Variants in ADAMTS6 observed in about 807,000 individuals in gnomAD.
ADAMTS6 encodes the protein A disintegrin and metalloproteinase with thrombospondin motifs 6.
ADAMTS6 carries 23 observed loss-of-function variants against 144.3 expected under a neutral mutation model. That is an observed-to-expected ratio of 0.16 (90% CI 0.11 to 0.23). ADAMTS6 has a LOEUF of 0.23. Among genes scored for constraint, ADAMTS6 ranks in the 10% least tolerant of loss-of-function variants. The probability of loss-of-function intolerance (pLI) is 1.00; values close to 1 mark genes in which losing one functional copy is unlikely to be tolerated. For missense variants in ADAMTS6, 999 were observed against 1,379.6 expected, an observed-to-expected ratio of 0.72 and a Z score of 4.37; for synonymous variants, 444 against 457.5, an observed-to-expected ratio of 0.97 and a Z score of 0.38.
At chr5:65,291,540 C>T (rs1742305237) in intron 10 of ADAMTS6, 70 bp from the exon 11 acceptor site, 5 of 1,447,254 alleles carry the variant, frequency 3.5e-6, no homozygotes, top group Admixed American at 2.5e-5. Context: ...TATGAAACCA[C>T]GTGTTGAGCT....
intron 22 of ADAMTS6, among the ~76,000 whole-genome samples, chr5:65,181,064 G>C (rs1176074013): frequency 1.3e-5 from 2 of 152,152 alleles, no homozygotes; most frequent in African/African-American, 2.4e-5. Flanking sequence ...AACAAACTTA[G>C]AGTGACTGGT....
intron 7 of ADAMTS6, among the ~76,000 whole-genome samples, chr5:65,436,776 T>C (rs1289670856): frequency 6.6e-6 from 1 of 151,754 alleles, no homozygotes. Flanking sequence ...GAGAATTGCT[T>C]GAACCCAGGA....
intron 7 of ADAMTS6, among the ~76,000 whole-genome samples, chr5:65,399,413 C>T (rs557133560): frequency 6.6e-6 from 1 of 152,228 alleles, no homozygotes; most frequent in Admixed American, 6.5e-5. Context: ...GAATTTGTTG[C>T]TCTTGTTCTT....
At chr5:65,260,981 A>G (rs1034351254) in intron 13 of ADAMTS6, among the ~76,000 whole-genome samples, 1 of 152,068 alleles carries the variant, frequency 6.6e-6, no homozygotes, top group African/African-American at 2.4e-5. Context: ...TTTTCTAATT[A>G]TCATAGTAAA....
chr5:65,452,266 G>A (rs768927146), intron 5 of ADAMTS6, 50 bp from the exon 6 acceptor site: 1 of 1,545,434 alleles, frequency 6.5e-7, no homozygotes. Context: ...AAAATTATAG[G>A]GTGATAGTTT....
chr5:65,380,001 T>C (rs1428376042), intron 7 of ADAMTS6, among the ~76,000 whole-genome samples: 1 of 152,166 alleles, frequency 6.6e-6, no homozygotes, highest in Non-Finnish European at 1.5e-5. Flanking sequence ...TACTGACTCA[T>C]GACGACTGAT....
At chr5:65,236,365 G>A (rs1363570819) in intron 15 of ADAMTS6, among the ~76,000 whole-genome samples, 1 of 152,040 alleles carries the variant, frequency 6.6e-6, no homozygotes, top group East Asian at 1.9e-4. Context: ...ATAGCTCACT[G>A]TAGCCTCCAC....
chr5:65,176,943 G>A (rs1754016217), intron 22 of ADAMTS6, among the ~76,000 whole-genome samples: 1 of 152,138 alleles, frequency 6.6e-6, no homozygotes, highest in Non-Finnish European at 1.5e-5. Context: ...TAAAACAAAA[G>A]GTCAATTTCT....
At chr5:65,469,959 A>G (rs1760310205) in intron 3 of ADAMTS6, among the ~76,000 whole-genome samples, 1 of 152,224 alleles carries the variant, frequency 6.6e-6, no homozygotes, top group African/African-American at 2.4e-5. Flanking sequence ...GAAAGCATGG[A>G]AATTTGCTTT....
intron 22 of ADAMTS6, among the ~76,000 whole-genome samples, chr5:65,179,421 C>T (rs1308341180): frequency 6.6e-6 from 1 of 152,042 alleles, no homozygotes; most frequent in Non-Finnish European, 1.5e-5. Flanking sequence ...GGTGGGGGCT[C>T]ATAAATGATA....
rs988090025 is a variant in ADAMTS6, at chr5:65,179,952, G to A, written c.2911-6944C>T. ...TGCATGCAAACACACACATGTGCAC[G>A]CACGCGCACACACACACACACACAC... On this transcript the variant is annotated intron_variant, in intron 22 of 24. Coordinates refer to ENST00000381055, the MANE Select transcript of ADAMTS6 (RefSeq NM_197941.4). Among the ~76,000 whole-genome samples the A allele has an allele frequency of 2.5e-4, 21 of 83,714 alleles. No homozygotes were observed. In the East Asian group the frequency reaches 3.0e-3, roughly 12 times the overall value. 54.9% of individuals were successfully genotyped at this position (83,714 alleles called of 152,430 possible). A position where few individuals can be genotyped will look rare whatever the true frequency, so the allele number is the denominator to read the frequency against.
chr5:65,469,044 T>C (rs1001911453), intron 3 of ADAMTS6, among the ~76,000 whole-genome samples: 2 of 152,250 alleles, frequency 1.3e-5, no homozygotes, highest in Middle Eastern at 3.2e-3. Context: ...AAAAGAGATA[T>C]CTCAGCCATC....
rs546695584 is a variant in ADAMTS6, at chr5:65,406,559, T to C, written c.1073+44916A>G. 1.1e-4 allele frequency among the ~76,000 whole-genome samples: 17 copies of C among 152,282 alleles called. No individual in the cohort carries two copies. In the East Asian group the frequency reaches 3.1e-3, roughly 28 times the overall value. On this transcript the variant is annotated intron_variant, in intron 7 of 24. Coordinates refer to ENST00000381055, the MANE Select transcript of ADAMTS6 (RefSeq NM_197941.4). Reference sequence around the variant, plus strand: ...CTGGATTCCGTTTGCCAGTATTTTATTGAGGATTTTTGCATTGATGTTCAT... The same window carrying C: ...CTGGATTCCGTTTGCCAGTATTTTACTGAGGATTTTTGCATTGATGTTCAT...
chr5:65,457,248 C>T (rs1759280531), intron 4 of ADAMTS6, among the ~76,000 whole-genome samples: 1 of 152,210 alleles, frequency 6.6e-6, no homozygotes, highest in East Asian at 1.9e-4. Context: ...GAACACAAAC[C>T]TGGAGACAAA....
chr5:65,478,964 T>C (rs1214195976), intron 1 of ADAMTS6, among the ~76,000 whole-genome samples: 1 of 152,190 alleles, frequency 6.6e-6, no homozygotes, highest in East Asian at 1.9e-4. Context: ...TTGGAGGGTA[T>C]TACTTGTCTT....
At chr5:65,337,689 T>A (rs73109282) in intron 7 of ADAMTS6, among the ~76,000 whole-genome samples, 17,216 of 152,108 alleles carry the variant, frequency 0.11, 1,047 homozygotes, top group African/African-American at 0.15. Flanking sequence ...TAATCTTCAC[T>A]AACTTCACAC....
intron 3 of ADAMTS6, 134 bp from the exon 4 acceptor site, chr5:65,460,472 G>T: frequency 2.6e-6 from 2 of 776,696 alleles, no homozygotes; most frequent in Admixed American, 3.0e-5. Context: ...AAAAATTAGC[G>T]AATTATCTGT....
intron 4 of ADAMTS6, among the ~76,000 whole-genome samples, chr5:65,457,871 C>T (rs1210364842): frequency 6.7e-6 from 1 of 150,084 alleles, no homozygotes; most frequent in Non-Finnish European, 1.5e-5. Context: ...GGACTACAGG[C>T]GCGTGCCACG....
At chr5:65,329,545 T>C in intron 8 of ADAMTS6, 62 bp from the exon 9 acceptor site, 6 of 1,368,480 alleles carry the variant, frequency 4.4e-6, no homozygotes, top group Non-Finnish European at 6.0e-6. Flanking sequence ...TAAAAGCCTA[T>C]ATTTATAAAT....
Sources: gnomAD v4.1 joint callset for allele counts (sites outside exome capture counted in the v4.1 genomes callset) on GRCh38, gnomAD v4.1.1 for gene constraint, MANE v1.5 for transcripts, NCBI Gene and HGNC (gene_info 2026-07-23, HGNC 2026-07-21) for gene names.